Variants in ATP23 observed in about 807,000 individuals in gnomAD.
The protein encoded by ATP23 is mitochondrial inner membrane protease ATP23 homolog.
A neutral mutation model predicts 28.5 loss-of-function variants in ATP23; 24 were observed. The ratio of observed to expected loss-of-function variants is 0.84; its 90% CI spans 0.61 to 1.18. ATP23 has a LOEUF of 1.18. Ranked by LOEUF, ATP23 falls within the 50% of genes most tolerant of loss-of-function variation. The pLI, the probability that ATP23 is intolerant of heterozygous loss-of-function variation, is 0.00. For synonymous variants in ATP23, 99 were observed against 108.6 expected (o/e 0.91, Z 0.55); for missense variants, 274 against 306.4 (o/e 0.89, Z 0.79).
In ATP23 at chr12:57,941,646, A is replaced by C. The variant is rs1956702653; in HGVS notation, c.-56A>C. 1.9e-6 allele frequency: 3 copies of C among 1,568,092 alleles called. No homozygotes were observed. The highest frequency in any genetic ancestry group is 1.8e-5 in the Admixed American group (1 of 55,744). On this transcript the variant is annotated 5_prime_UTR_variant, in exon 1 of 6. Coordinates refer to ENST00000300145, the MANE Select transcript of ATP23 (RefSeq NM_033276.4). Reference sequence around the variant, plus strand: ...TGGCGGGAGGGAGGTTACCTTTCCCAGTCTCGCTCTGGCCGCCTGAGCCAG... The same window carrying C: ...TGGCGGGAGGGAGGTTACCTTTCCCCGTCTCGCTCTGGCCGCCTGAGCCAG...
chr12:57,954,880 G>A (rs979857679), intron 5 of ATP23, among the ~76,000 whole-genome samples: 7 of 152,194 alleles, frequency 4.6e-5, no homozygotes, highest in Admixed American at 6.5e-5. Context: ...TAGTGAATGG[G>A]AGGGAGAAGA....
chr12:57,952,464 A>G (rs1423540308), intron 4 of ATP23, among the ~76,000 whole-genome samples: 1 of 152,214 alleles, frequency 6.6e-6, no homozygotes, highest in Non-Finnish European at 1.5e-5. Context: ...AGAGTAAAAC[A>G]TGCTCTTTTC....
intron 1 of ATP23, among the ~76,000 whole-genome samples, chr12:57,942,417 CT>C (rs1223577714): frequency 1.4e-5 from 2 of 146,698 alleles, no homozygotes; most frequent in East Asian, 4.2e-4. Flanking sequence ...GTGTGTGCCC[CT>C]AAGTGCATTT....
intron 4 of ATP23, 59 bp downstream of exon 4, chr12:57,951,954 T>G (rs181425550): frequency 1.6e-5 from 25 of 1,587,602 alleles, no homozygotes; most frequent in Non-Finnish European, 1.9e-5. Flanking sequence ...TATTCAAGTG[T>G]AATTTATTTA....
rs771888443 is a variant in ATP23 at position 57,941,681 on chromosome 12, G to A, written c.-21G>A. The A allele has an allele frequency of 1.2e-6, 2 of 1,600,338 alleles. No homozygotes were observed. Among genetic ancestry groups the A allele is most frequent in the Non-Finnish European group, 1.7e-6 (2 of 1,173,998 alleles). ...TGGCCGCCTGAGCCAGGAGGAAGCA[G>A]CGGCGAGGTCTGCGGGAGGCATGGC... On this transcript the variant is annotated 5_prime_UTR_variant, in exon 1 of 6. Coordinates refer to ENST00000300145, the MANE Select transcript of ATP23 (RefSeq NM_033276.4).
chr12:57,952,434 T>C (rs1397648324), intron 4 of ATP23, among the ~76,000 whole-genome samples: 2 of 152,212 alleles, frequency 1.3e-5, no homozygotes, highest in Non-Finnish European at 2.9e-5. Context: ...CTGCCTTCCA[T>C]AGAGCTCCTT....
At chr12:57,949,504 G>GT (rs1157582687) in intron 3 of ATP23, among the ~76,000 whole-genome samples, 1 of 151,890 alleles carries the variant, frequency 6.6e-6, no homozygotes, top group Non-Finnish European at 1.5e-5. Context: ...AGGAAAAAAA[G>GT]TTTTTTTGGG....
At position 57,956,872 on chromosome 12, in the gene ATP23, G is replaced by T; in HGVS notation, c.723G>T (p.Arg241=). The T allele has an allele frequency of 6.2e-7, 1 of 1,608,740 alleles. No individual in the cohort carries two copies. The highest frequency in any genetic ancestry group is 8.5e-7 in the Non-Finnish European group (1 of 1,178,304). The stretch of plus-strand genomic sequence containing the variant: ...ACAGAGACTTTGAAAACCGTGATCG[G>T]TATTATTCAAATATATGAGCACAAT... ...YAHRDFENRD[R]YYSNI Residue 241 remains arginine, a synonymous_variant, in exon 6 of 6, where the codon CGG becomes CGT. Transcript: ENST00000300145.
At chr12:57,949,985 G>A (rs7299512) in intron 3 of ATP23, among the ~76,000 whole-genome samples, 24,709 of 151,902 alleles carry the variant, frequency 0.16, 4,020 homozygotes, top group African/African-American at 0.42. Flanking sequence ...TTCCTTCCCC[G>A]TATTCTATCA....
intron 4 of ATP23, among the ~76,000 whole-genome samples, chr12:57,952,215 AT>A (rs1565876755): frequency 6.6e-6 from 1 of 152,184 alleles, no homozygotes; most frequent in East Asian, 1.9e-4. Flanking sequence ...AAATAAAAAA[AT>A]AATTAAAATT....
intron 2 of ATP23, 66 bp from the exon 3 acceptor site, chr12:57,946,929 C>A: frequency 6.8e-7 from 1 of 1,464,602 alleles, no homozygotes; most frequent in Non-Finnish European, 9.5e-7. Flanking sequence ...CTCCTGAGCC[C>A]TGGCCCAGGG....
At chr12:57,954,009 A>G (rs989955689) in intron 5 of ATP23, among the ~76,000 whole-genome samples, 9 of 151,998 alleles carry the variant, frequency 5.9e-5, no homozygotes, top group Non-Finnish European at 2.9e-5. Context: ...CGTGGCCAAC[A>G]TGGTGAAACC....
rs776845848 is a variant in ATP23 at position 57,945,681 on chromosome 12, ACT to A, written c.233+11_233+12del. 2 of 1,613,294 alleles carry A rather than the reference ACT, an allele frequency of 1.2e-6. No individual in the cohort carries two copies. Among genetic ancestry groups the A allele is most frequent in the Admixed American group, 1.7e-5 (1 of 59,954 alleles). On this transcript the variant is annotated intron_variant, in intron 2 of 5. Transcript: ENST00000300145. ...TATGAAACACTCAGGTTGGTAAGTA[ACT>A]CTTTTTGAAGTGCTGCTCTGAGGTC...
chr12:57,943,479 A>C (rs1376485482), intron 1 of ATP23, among the ~76,000 whole-genome samples: 1 of 152,134 alleles, frequency 6.6e-6, no homozygotes, highest in African/African-American at 2.4e-5. Context: ...CAGATGTTTA[A>C]GACCAGCCTG....
At chr12:57,947,747 G>T (rs977316331) in intron 3 of ATP23, among the ~76,000 whole-genome samples, 7 of 152,094 alleles carry the variant, frequency 4.6e-5, no homozygotes, top group African/African-American at 1.7e-4. Context: ...TTATCTTAGT[G>T]CCTGGCCCAT....
intron 3 of ATP23, among the ~76,000 whole-genome samples, chr12:57,950,748 C>T (rs565827529): frequency 2.4e-4 from 36 of 151,974 alleles, no homozygotes; most frequent in Non-Finnish European, 4.7e-4. Flanking sequence ...AGGCTGGTCC[C>T]GAACTCCTGG....
At chr12:57,943,080 A>T (rs1283497245) in intron 1 of ATP23, among the ~76,000 whole-genome samples, 2 of 152,246 alleles carry the variant, frequency 1.3e-5, no homozygotes, top group East Asian at 3.9e-4. Context: ...TCAGGGAGGT[A>T]GGAGGAGGAA....
chr12:57,947,221 T>A, intron 3 of ATP23, 145 bp downstream of exon 3: 1 of 704,340 alleles, frequency 1.4e-6, no homozygotes, highest in Non-Finnish European at 2.3e-6. Flanking sequence ...CTAAGGAGTT[T>A]ACTCTTAAAA....
chr12:57,948,255 C>T (rs1956781210), intron 3 of ATP23, among the ~76,000 whole-genome samples: 1 of 151,700 alleles, frequency 6.6e-6, no homozygotes, highest in African/African-American at 2.4e-5. Context: ...AGTTGGGCAC[C>T]CTCTCCTTTT....
Sources: allele counts gnomAD v4.1 joint callset (sites outside exome capture counted in the v4.1 genomes callset), GRCh38; gene constraint gnomAD v4.1.1; transcripts MANE v1.5; gene names NCBI Gene and HGNC (gene_info 2026-07-23, HGNC 2026-07-21).